Variants in CCSAP observed in about 807,000 individuals in gnomAD.
The protein encoded by CCSAP is centriole, cilia and spindle associated protein.
CCSAP carries 17 observed loss-of-function variants against 25.9 expected under a neutral mutation model. That is an observed-to-expected ratio of 0.66 (90% CI 0.45 to 0.99). CCSAP has a LOEUF of 0.99. CCSAP is among the 50% of genes least tolerant of loss of function. The pLI is 0.00. For missense variants in CCSAP, 339 were observed against 367.8 expected, an observed-to-expected ratio of 0.92 and a Z score of 0.64; for synonymous variants, 169 against 157.1, an observed-to-expected ratio of 1.08 and a Z score of -0.57.
At position 229,323,258 on chromosome 1, in the gene CCSAP, A is replaced by T. The variant is rs1290725462; in HGVS notation, c.*1977T>A. ...CCTTCTACATTATATCTCTGTCTGG[A>T]GTTTTAAGTAGTAAGTACATTAAAT... On this transcript the variant is annotated 3_prime_UTR_variant, in exon 4 of 4. Transcript: ENST00000284617. 1 of 152,230 alleles carries T rather than the reference A, an allele frequency of 6.6e-6. No homozygotes were observed. The highest frequency in any genetic ancestry group is 6.5e-5 in the Admixed American group (1 of 15,286). The allele number at this position is 152,230 out of a possible 1,614,324, so 9.4% of individuals were successfully genotyped here.
chr1:229,333,431 GAAAAAAAA>G (rs368401348), intron 2 of CCSAP, among the ~76,000 whole-genome samples: 11 of 70,476 alleles, frequency 1.6e-4, no homozygotes, highest in South Asian at 5.5e-4. Flanking sequence ...AGACTCCATC[GAAAAAAAA>G]AAAAAAAAAA....
In CCSAP at chr1:229,325,210, A is replaced by T. The variant is rs898848942; in HGVS notation, c.*25T>A. The T allele has an allele frequency of 6.4e-7, 1 of 1,554,794 alleles. No individual in the cohort carries two copies. Among genetic ancestry groups the T allele is most frequent in the African/African-American group, 1.4e-5 (1 of 72,206 alleles). ...CTTTCAGTCATTTACACTTTTTAAAAGAGGCTGTCCACGCAAGTGTTTCTT... is the reference window on the plus strand; with the variant it reads ...CTTTCAGTCATTTACACTTTTTAAATGAGGCTGTCCACGCAAGTGTTTCTT... On this transcript the variant is annotated 3_prime_UTR_variant, in exon 4 of 4. Coordinates refer to ENST00000284617, the MANE Select transcript of CCSAP (RefSeq NM_145257.5).
intron 2 of CCSAP, among the ~76,000 whole-genome samples, chr1:229,332,915 G>C (rs182410683): frequency 6.6e-6 from 1 of 152,136 alleles, no homozygotes; most frequent in African/African-American, 2.4e-5. Flanking sequence ...TAATAAACTT[G>C]ACCTAATGGA....
At chr1:229,333,431 GAAAAAAAAAAA>G (rs368401348) in intron 2 of CCSAP, among the ~76,000 whole-genome samples, 2,252 of 70,500 alleles carry the variant, frequency 0.032, 31 homozygotes, top group Non-Finnish European at 0.043. Context: ...AGACTCCATC[GAAAAAAAAAAA>G]AAAAAAAAAA....
chr1:229,337,790 C>T (rs1291055091), intron 2 of CCSAP, among the ~76,000 whole-genome samples: 1 of 146,512 alleles, frequency 6.8e-6, no homozygotes, highest in Non-Finnish European at 1.5e-5. Flanking sequence ...CCTAATATGT[C>T]TGACAAATGG....
chr1:229,338,538 AACACACAC>A (rs55718200), intron 2 of CCSAP, among the ~76,000 whole-genome samples: 3,461 of 141,886 alleles, frequency 0.024, 49 homozygotes, highest in Non-Finnish European at 0.032. Context: ...CCCAAACCCC[AACACACAC>A]ACACACACAC....
chr1:229,330,977 C>T (rs752000551), intron 2 of CCSAP, among the ~76,000 whole-genome samples: 17 of 152,092 alleles, frequency 1.1e-4, no homozygotes, highest in Non-Finnish European at 2.2e-4. Context: ...AACCAGACCC[C>T]AGCTGGCTGA....
chr1:229,326,439 C>G (rs1166048143), intron 3 of CCSAP, among the ~76,000 whole-genome samples: 1 of 152,202 alleles, frequency 6.6e-6, no homozygotes, highest in African/African-American at 2.4e-5. Context: ...ACCTTCCGGC[C>G]CCCCAGGAAC....
In CCSAP at chr1:229,331,787, TTTATTATTATTATTA is replaced by T. The variant is rs139107975; in HGVS notation, c.368-4796_368-4782del. 4.3e-4 allele frequency among the ~76,000 whole-genome samples: 60 copies of T among 140,634 alleles called. 1 individual carries two copies. The highest frequency in any genetic ancestry group is 1.3e-3 in the African/African-American group (48 of 38,150). The allele number at this position is 140,634 out of a possible 152,430, so 92.3% of individuals were successfully genotyped here. The stretch of plus-strand genomic sequence containing the variant: ...TCATCTGTGTCCTTTCTAATATCCT[TTTATTATTATTATTA>T]TTATTATTATTATTATTATTATTAT... On this transcript the variant is annotated intron_variant, in intron 2 of 3. Transcript: ENST00000284617.
Position 229,326,774 on chromosome 1 carries a change from C to G in CCSAP, c.600G>C (p.Lys200Asn). 1.9e-6 allele frequency: 3 copies of G among 1,614,232 alleles called. No individual in the cohort carries two copies. Among genetic ancestry groups the G allele is most frequent in the Non-Finnish European group, 2.5e-6 (3 of 1,180,046 alleles). ...GAGCGGACGCACAGACGTTGTGAGT[C>G]TTCTGGCTTCCTGTATCGGTCTGTT... is the stretch of plus-strand genomic sequence containing the variant. The part of the protein sequence containing the change: ...GEKQTDTGSQ[K>N]THNVCASAPV... Residue 200 changes from lysine (K) to asparagine (N), a missense_variant, in exon 3 of 4, where the codon AAG (lysine) becomes AAC (asparagine). Coordinates refer to ENST00000284617, the MANE Select transcript of CCSAP (RefSeq NM_145257.5).
In CCSAP at chr1:229,324,156, A is replaced by G. The variant is rs983237139; in HGVS notation, c.*1079T>C. On this transcript the variant is annotated 3_prime_UTR_variant, in exon 4 of 4. Transcript: ENST00000284617. ...AGGAATCAAAGAGTAACGTATTTCAACCTAAAGTTTGAATACTGTACATCA... is the reference window on the plus strand; with the variant it reads ...AGGAATCAAAGAGTAACGTATTTCAGCCTAAAGTTTGAATACTGTACATCA... 3 of 152,778 alleles carry G rather than the reference A, an allele frequency of 2.0e-5. No homozygotes were observed. The highest frequency in any genetic ancestry group is 7.2e-5 in the African/African-American group (3 of 41,580). The allele number at this position is 152,778 out of a possible 1,614,324, so 9.5% of individuals were successfully genotyped here.
rs747946855 is a variant in CCSAP at position 229,325,382 on chromosome 1, G to A, written c.666C>T (p.Asn222=). 7.4e-6 allele frequency: 12 copies of A among 1,613,830 alleles called. No individual in the cohort carries two copies. The East Asian group carries it at 2.5e-4, about 33-fold the overall frequency. ...GTTTCCTTTTTTCCACCTGTCTTCT[G>A]TTCTTGGCTCGTAATGCTGATTCAT... The part of the protein sequence containing the change: ...EIHESALRAK[N]RRQVEKRKLV... Residue 222 remains asparagine, a synonymous_variant, in exon 4 of 4, where the codon AAC becomes AAT. Coordinates refer to ENST00000284617, the MANE Select transcript of CCSAP (RefSeq NM_145257.5).
At chr1:229,337,241 T>A (rs1172813060) in intron 2 of CCSAP, among the ~76,000 whole-genome samples, 1 of 151,304 alleles carries the variant, frequency 6.6e-6, no homozygotes, top group Non-Finnish European at 1.5e-5. Flanking sequence ...ATATAAAGAA[T>A]CTCCTAAAAG....
chr1:229,337,718 T>TATATATATATAA (rs1658228791), intron 2 of CCSAP, among the ~76,000 whole-genome samples: 1 of 62,028 alleles, frequency 1.6e-5, no homozygotes, highest in Non-Finnish European at 3.9e-5. Context: ...TATATATATA[T>TATATATATATAA]GTATATATAT....
At chr1:229,327,463 G>A in intron 2 of CCSAP, 1 of 454,238 alleles carries the variant, frequency 2.2e-6, no homozygotes, top group Non-Finnish European at 4.4e-6. Context: ...GTCCTTCCGT[G>A]CTCCTCCTGA....
rs887696787 is a variant in CCSAP at position 229,342,081 on chromosome 1, C to G, written c.367+18G>C. The G allele has an allele frequency of 7.6e-7, 1 of 1,319,816 alleles. No homozygotes were observed. The highest frequency in any genetic ancestry group is 9.6e-7 in the Non-Finnish European group (1 of 1,037,774). The allele number at this position is 1,319,816 out of a possible 1,614,324, so 81.8% of individuals were successfully genotyped here. A position where few individuals can be genotyped will look rare whatever the true frequency, so the allele number is the denominator to read the frequency against. On this transcript the variant is annotated intron_variant, in intron 2 of 3. Transcript: ENST00000284617. This position sits in a 1 kb window ranked among gnomAD's most constrained non-coding sequence, Gnocchi z 7.5. ...TCCCTGCGTGCAGGCCCCTCGCGCT[C>G]CCCTCCGGGCCGGGTACCTGGCAGA...
At chr1:229,333,305 T>TGGGC (rs1658122184) in intron 2 of CCSAP, among the ~76,000 whole-genome samples, 3 of 151,786 alleles carry the variant, frequency 2.0e-5, no homozygotes, top group South Asian at 4.2e-4. Context: ...TGGTGTCAGG[T>TGGGC]GCCTGTAGTC....
rs551527115 is a variant in CCSAP at position 229,332,693 on chromosome 1, C to T, written c.368-5687G>A. 1.4e-4 allele frequency among the ~76,000 whole-genome samples: 22 copies of T among 152,128 alleles called. No individual in the cohort carries two copies. In the South Asian group the frequency reaches 3.7e-3, roughly 26 times the overall value. ...TCCAATACAATAGCCATGAACCACACGTGGTTACTAAATATAAATTTTAAT... is the reference window on the plus strand; with the variant it reads ...TCCAATACAATAGCCATGAACCACATGTGGTTACTAAATATAAATTTTAAT... On this transcript the variant is annotated intron_variant, in intron 2 of 3. Transcript: ENST00000284617.
In CCSAP at chr1:229,342,474, C is replaced by T; in HGVS notation, c.-9G>A. The T allele has an allele frequency of 7.5e-7, 1 of 1,333,238 alleles. No homozygotes were observed. Among genetic ancestry groups the T allele is most frequent in the Non-Finnish European group, 9.6e-7 (1 of 1,038,758 alleles). 82.6% of individuals were successfully genotyped at this position (1,333,238 alleles called of 1,614,324 possible). A position where few individuals can be genotyped will look rare whatever the true frequency, so the allele number is the denominator to read the frequency against. On this transcript the variant is annotated 5_prime_UTR_variant, in exon 2 of 4. Transcript: ENST00000284617. The surrounding 1 kb of genome is among the most constrained non-coding windows in gnomAD (Gnocchi z 7.5). ...CCGCTCCCCGGGGACATGGTGCCGT[C>T]CGCCGCCTCGAGCGCCAGCCGCTCC...
Sources: gnomAD v4.1 joint callset for allele counts (sites outside exome capture counted in the v4.1 genomes callset) on GRCh38, gnomAD v4.1.1 for gene constraint, Gnocchi (gnomAD v3.1) non-coding constraint, MANE v1.5 for transcripts, NCBI Gene and HGNC (gene_info 2026-07-23, HGNC 2026-07-21) for gene names.